RNF216: variants seen among roughly 807,000 people sequenced by gnomAD.
RNF216 encodes E3 ubiquitin-protein ligase RNF216.
Under a neutral mutation model 110.8 loss-of-function variants are expected in RNF216, and 72 were observed. The ratio of observed to expected loss-of-function variants is 0.65; its 90% CI spans 0.54 to 0.79. RNF216 has a LOEUF of 0.79. RNF216 is among the 30% of genes least tolerant of loss of function. The probability of loss-of-function intolerance (pLI) is 0.00; values close to 1 mark genes in which losing one functional copy is unlikely to be tolerated. For synonymous variants in RNF216, 495 were observed against 407.5 expected (o/e 1.21, Z -2.59); for missense variants, 1,342 against 1,141.2 (o/e 1.18, Z -2.54).
chr7:5,661,069 A>G (rs1455165384), intron 13 of RNF216, among the ~76,000 whole-genome samples: 1 of 148,658 alleles, frequency 6.7e-6, no homozygotes, highest in Non-Finnish European at 1.5e-5. Context: ...TCTCCCAAGT[A>G]GCTGGAATTA....
chr7:5,697,311 G>A (rs545085503), intron 13 of RNF216, among the ~76,000 whole-genome samples: 11 of 152,342 alleles, frequency 7.2e-5, no homozygotes, highest in South Asian at 2.1e-4. Flanking sequence ...AGTTAGGGCC[G>A]TGGTTGCCCT....
intron 8 of RNF216, among the ~76,000 whole-genome samples, chr7:5,724,802 T>C (rs762130180): frequency 6.6e-6 from 1 of 152,080 alleles, no homozygotes; most frequent in Non-Finnish European, 1.5e-5. Context: ...AAAATCTGAG[T>C]TGTTATAACA....
chr7:5,691,851 T>C (rs1791360815), intron 13 of RNF216, among the ~76,000 whole-genome samples: 1 of 152,268 alleles, frequency 6.6e-6, no homozygotes, highest in South Asian at 2.1e-4. Flanking sequence ...CAATGTCTGC[T>C]TGTTCAGCAG....
chr7:5,663,458 C>T (rs1789284952), intron 13 of RNF216, among the ~76,000 whole-genome samples: 1 of 151,908 alleles, frequency 6.6e-6, no homozygotes, highest in Admixed American at 6.6e-5. Context: ...GTGGCGTTCG[C>T]CTGTAGTCCC....
intron 13 of RNF216, among the ~76,000 whole-genome samples, chr7:5,700,660 C>T (rs1472434491): frequency 3.3e-5 from 5 of 152,126 alleles, no homozygotes; most frequent in African/African-American, 4.8e-5. Flanking sequence ...CATAGAAACT[C>T]GTTAAAAATC....
chr7:5,637,720 T>C (rs852476), intron 15 of RNF216, among the ~76,000 whole-genome samples: 2,044 of 152,244 alleles, frequency 0.013, 31 homozygotes, highest in South Asian at 0.037. Context: ...TGGGATTTTT[T>C]GTAGAGATGG....
rs753065769 is a variant in RNF216, at chr7:5,641,142, G to A, written c.2382+12C>T. 3 of 1,580,556 alleles carry A rather than the reference G, an allele frequency of 1.9e-6. No homozygotes were observed. Among genetic ancestry groups the A allele is most frequent in the Non-Finnish European group, 2.6e-6 (3 of 1,150,700 alleles). ...TCCCTATAAAGCAATAGGCAGCCAT[G>A]TGTCTACTTACAGTGGGATCGGTCC... On this transcript the variant is annotated intron_variant, in intron 15 of 16. Coordinates refer to ENST00000389902, the MANE Select transcript of RNF216 (RefSeq NM_207111.4).
intron 15 of RNF216, among the ~76,000 whole-genome samples, chr7:5,632,670 G>C (rs1787145794): frequency 6.6e-6 from 1 of 152,090 alleles, no homozygotes; most frequent in African/African-American, 2.4e-5. Context: ...CCAGCTACTT[G>C]GGAGGCTGAG....
intron 13 of RNF216, among the ~76,000 whole-genome samples, chr7:5,674,033 AT>A (rs77889305): frequency 0.013 from 1,706 of 127,586 alleles, 9 homozygotes; most frequent in Non-Finnish European, 0.02. Flanking sequence ...ATAATTTTCA[AT>A]TTTTTTTTTT....
intron 1 of RNF216, among the ~76,000 whole-genome samples, chr7:5,771,036 G>C (rs918208311): frequency 6.6e-6 from 1 of 152,146 alleles, no homozygotes; most frequent in African/African-American, 2.4e-5. Flanking sequence ...TCGAACTCTT[G>C]ACCTTGTGAT....
At chr7:5,681,773 T>C (rs748038227) in intron 13 of RNF216, among the ~76,000 whole-genome samples, 4 of 152,188 alleles carry the variant, frequency 2.6e-5, no homozygotes, top group Non-Finnish European at 5.9e-5. Flanking sequence ...TGACTGGCCA[T>C]GGCATCTCAT....
intron 9 of RNF216, among the ~76,000 whole-genome samples, chr7:5,717,542 C>A (rs114789414): frequency 6.6e-6 from 1 of 152,096 alleles, no homozygotes; most frequent in Admixed American, 6.5e-5. Context: ...TGGGCAGAAA[C>A]AGGGAATGAT....
At chr7:5,758,686 A>C (rs528155602) in intron 2 of RNF216, among the ~76,000 whole-genome samples, 2 of 152,248 alleles carry the variant, frequency 1.3e-5, no homozygotes, top group South Asian at 2.1e-4. Flanking sequence ...TCTTTTGGCC[A>C]ATTTCTCCCT....
intron 13 of RNF216, among the ~76,000 whole-genome samples, chr7:5,708,769 G>C (rs1004064488): frequency 2.0e-5 from 3 of 152,132 alleles, no homozygotes; most frequent in African/African-American, 7.2e-5. Context: ...GCAGCTCCAA[G>C]GCATCTAGAG....
chr7:5,670,341 C>T (rs536978443), intron 13 of RNF216, among the ~76,000 whole-genome samples: 2 of 152,174 alleles, frequency 1.3e-5, no homozygotes, highest in South Asian at 2.1e-4. Flanking sequence ...TGCTGCTGCC[C>T]GACTGCAGAG....
intron 13 of RNF216, among the ~76,000 whole-genome samples, chr7:5,668,247 G>A (rs1329283601): frequency 4.7e-5 from 7 of 147,598 alleles, no homozygotes; most frequent in Non-Finnish European, 8.9e-5. Context: ...TTTTGAGATG[G>A]AGTCTCGCTC....
intron 13 of RNF216, among the ~76,000 whole-genome samples, chr7:5,702,462 GCT>G (rs1443362661): frequency 6.6e-6 from 1 of 152,172 alleles, no homozygotes; most frequent in East Asian, 1.9e-4. Context: ...CGGGTTGTCA[GCT>G]CTCTCCCTTC....
chr7:5,634,000 G>A (rs138415635), intron 15 of RNF216, among the ~76,000 whole-genome samples: 1 of 152,212 alleles, frequency 6.6e-6, no homozygotes, highest in East Asian at 1.9e-4. Flanking sequence ...TTAAAAAGGG[G>A]AAAAGATTCA....
intron 13 of RNF216, among the ~76,000 whole-genome samples, chr7:5,682,672 GC>G (rs1790736662): frequency 6.6e-6 from 1 of 152,258 alleles, no homozygotes; most frequent in East Asian, 1.9e-4. Flanking sequence ...CTCCCAAAGG[GC>G]TGGGATATCG....
Sources: gnomAD v4.1 joint callset for allele counts (sites outside exome capture counted in the v4.1 genomes callset) on GRCh38, gnomAD v4.1.1 for gene constraint, MANE v1.5 for transcripts, NCBI Gene and HGNC (gene_info 2026-07-23, HGNC 2026-07-21) for gene names.